SCN2A: variants seen among roughly 807,000 people sequenced by gnomAD.
The protein encoded by SCN2A is sodium channel protein type 2 subunit alpha.
A neutral mutation model predicts 188.7 loss-of-function variants in SCN2A; 20 were observed. The observed-to-expected ratio is 0.11, with a 90% CI of 0.07 to 0.15. SCN2A has a LOEUF of 0.15. Among genes scored for constraint, SCN2A ranks in the 10% least tolerant of loss-of-function variants. SCN2A has a pLI of 1.00. For synonymous variants in SCN2A, 804 were observed against 833.1 expected, an observed-to-expected ratio of 0.97 and a Z score of 0.60; for missense variants, 1,278 against 2,445.0, an observed-to-expected ratio of 0.52 and a Z score of 10.07.
intron 1 of SCN2A, chr2:165,266,753 T>C (rs1216162095): frequency 2.0e-5 from 3 of 152,024 alleles, no homozygotes; most frequent in Admixed American, 6.6e-5. Context: ...AAGTAATAGG[T>C]AAAAAATAAA....
At chr2:165,353,078 A>G (rs1352684235) in intron 16 of SCN2A, among the ~76,000 whole-genome samples, 2 of 150,422 alleles carry the variant, frequency 1.3e-5, no homozygotes, top group African/African-American at 4.9e-5. Context: ...CACAATAGTG[A>G]GTTTAATGTC....
chr2:165,339,822 A>G (rs554329972), intron 14 of SCN2A, among the ~76,000 whole-genome samples: 6 of 152,204 alleles, frequency 3.9e-5, no homozygotes, highest in Non-Finnish European at 8.8e-5. Flanking sequence ...TTCTATGCAA[A>G]TACACAGTGC....
intron 1 of SCN2A, among the ~76,000 whole-genome samples, chr2:165,250,652 CAT>C: frequency 6.6e-6 from 1 of 152,070 alleles, no homozygotes; most frequent in South Asian, 2.1e-4. Context: ...TGTACACACA[CAT>C]ATACACAGCC....
intron 3 of SCN2A, among the ~76,000 whole-genome samples, chr2:165,302,749 T>C (rs1461189667): frequency 1.3e-5 from 2 of 152,220 alleles, no homozygotes; most frequent in South Asian, 4.1e-4. Flanking sequence ...AATCTCATGG[T>C]GCTTCATCCT....
chr2:165,284,174 A>C (rs1218631985), intron 1 of SCN2A, among the ~76,000 whole-genome samples: 1 of 151,298 alleles, frequency 6.6e-6, no homozygotes. Context: ...TAATTTATTT[A>C]TTTATTTATT....
rs936594462 is a variant in SCN2A, at chr2:165,300,896, G to A, written c.386+3761G>A. 2.6e-5 allele frequency among the ~76,000 whole-genome samples: 4 copies of A among 152,138 alleles called. 1 individual carries two copies. The highest frequency in any genetic ancestry group is 9.7e-5 in the African/African-American group (4 of 41,416). ...GCTTCATGGAGAATAGACTGCATAA[G>A]GGGAAAGAGTGGAAGCAAGGAGACT... is the stretch of plus-strand genomic sequence containing the variant. On this transcript the variant is annotated intron_variant, in intron 3 of 26. Coordinates refer to ENST00000375437, the MANE Select transcript of SCN2A (RefSeq NM_001040142.2).
chr2:165,344,049 T>C (rs1699442338), intron 15 of SCN2A, among the ~76,000 whole-genome samples: 1 of 152,096 alleles, frequency 6.6e-6, no homozygotes, highest in African/African-American at 2.4e-5. Context: ...ATAATGAGAG[T>C]TCCTACTTCT....
chr2:165,321,049 T>C (rs1281405051), intron 11 of SCN2A, among the ~76,000 whole-genome samples: 3 of 152,210 alleles, frequency 2.0e-5, no homozygotes, highest in Non-Finnish European at 4.4e-5. Context: ...TGAATACCTT[T>C]AGCAGTACCT....
At chr2:165,266,545 A>G (rs1377999240) in intron 1 of SCN2A, 1 of 151,898 alleles carries the variant, frequency 6.6e-6, no homozygotes, top group Non-Finnish European at 1.5e-5. Context: ...AGCTTCTGCA[A>G]CTCCTTCTCG....
chr2:165,280,995 G>A lies in SCN2A; in HGVS notation c.-51-14778G>A, dbSNP rs368899717. On this transcript the variant is annotated intron_variant, in intron 1 of 26. Coordinates refer to ENST00000375437, the MANE Select transcript of SCN2A (RefSeq NM_001040142.2). ...CCAGCCAGTTGGGAGGCCAAGGCAG[G>A]AGAATTGCTTAAAGCCAGGAGTTCA... Among the ~76,000 whole-genome samples the A allele has an allele frequency of 3.0e-4, 46 of 152,328 alleles. No individual in the cohort carries two copies. The East Asian group carries it at 6.6e-3, about 22-fold the overall frequency.
chr2:165,358,128 T>A (rs1410464516), intron 17 of SCN2A, among the ~76,000 whole-genome samples: 6 of 152,326 alleles, frequency 3.9e-5, no homozygotes, highest in African/African-American at 1.4e-4. Flanking sequence ...CTTTATGGAT[T>A]ATTTAATTTC....
chr2:165,270,107 C>T (rs1362506165), intron 1 of SCN2A: 2 of 152,040 alleles, frequency 1.3e-5, no homozygotes, highest in Non-Finnish European at 2.9e-5. Flanking sequence ...GATTTCACAG[C>T]TTAACAATTT....
rs1281742832 is a variant in SCN2A, at chr2:165,390,599, CATGTATAT to C, written c.*792_*799del. ...ATTTTTACATAACCCATTAAATGTA[CATGTATAT>C]ATGTATATATGTATATGTGCGTGTA... On this transcript the variant is annotated 3_prime_UTR_variant, in exon 27 of 27. Transcript: ENST00000375437. 1 of 152,518 alleles carries C rather than the reference CATGTATAT, an allele frequency of 6.6e-6. No homozygotes were observed. The highest frequency in any genetic ancestry group is 1.5e-5 in the Non-Finnish European group (1 of 68,184). 9.4% of individuals were successfully genotyped at this position (152,518 alleles called of 1,614,324 possible). A position where few individuals can be genotyped will look rare whatever the true frequency, so the allele number is the denominator to read the frequency against.
At chr2:165,318,605 G>T (rs1035305172) in intron 11 of SCN2A, among the ~76,000 whole-genome samples, 2 of 152,172 alleles carry the variant, frequency 1.3e-5, no homozygotes, top group African/African-American at 4.8e-5. Context: ...CTACGTTTTT[G>T]TATAGCTTAA....
At chr2:165,352,414 C>T (rs1205009975) in intron 16 of SCN2A, among the ~76,000 whole-genome samples, 1 of 152,036 alleles carries the variant, frequency 6.6e-6, no homozygotes, top group East Asian at 1.9e-4. Context: ...TAACTTACAA[C>T]TAATTAGACA....
At chr2:165,336,978 C>T (rs1699035578) in intron 14 of SCN2A, among the ~76,000 whole-genome samples, 1 of 151,304 alleles carries the variant, frequency 6.6e-6, no homozygotes, top group African/African-American at 2.4e-5. Flanking sequence ...TAAAGCGGTA[C>T]ATAGAAATAG....
chr2:165,261,507 G>C (rs1304662187), intron 1 of SCN2A, among the ~76,000 whole-genome samples: 1 of 152,314 alleles, frequency 6.6e-6, no homozygotes, highest in East Asian at 1.9e-4. Context: ...TTGGTGTGCT[G>C]TTAAATGTTT....
At chr2:165,309,313 G>T (rs1207984025) in intron 5 of SCN2A, 39 bp from the exon 6 acceptor site, 9 of 1,613,392 alleles carry the variant, frequency 5.6e-6, no homozygotes, top group East Asian at 2.2e-5. Context: ...TGTTTCTTGT[G>T]TTCTGTCATT....
chr2:165,262,116 CT>C (rs1291239945), intron 1 of SCN2A, among the ~76,000 whole-genome samples: 1 of 151,998 alleles, frequency 6.6e-6, no homozygotes, highest in Non-Finnish European at 1.5e-5. Context: ...ATAGGTGGGA[CT>C]TTTTTTCACT....
Sources: allele counts gnomAD v4.1 joint callset (sites outside exome capture counted in the v4.1 genomes callset), GRCh38; gene constraint gnomAD v4.1.1; transcripts MANE v1.5; gene names NCBI Gene and HGNC (gene_info 2026-07-23, HGNC 2026-07-21).